PCDHA6: variants seen among roughly 807,000 people sequenced by gnomAD.
PCDHA6 encodes the protein protocadherin alpha-6.
PCDHA6 carries 55 observed loss-of-function variants against 60.3 expected under a neutral mutation model. The observed-to-expected ratio is 0.91, with a 90% CI of 0.73 to 1.14. PCDHA6 has a LOEUF of 1.14. PCDHA6 is among the 50% of genes most tolerant of loss of function. The pLI is 0.00. For synonymous variants in PCDHA6, 652 were observed against 557.9 expected (o/e 1.17, Z -2.38); for missense variants, 1,327 against 1,256.5 (o/e 1.06, Z -0.85).
At chr5:140,941,331 T>G (rs1277354289) in intron 1 of PCDHA6, among the ~76,000 whole-genome samples, 1 of 148,120 alleles carries the variant, frequency 6.8e-6, no homozygotes. Context: ...TTTTTTTTTT[T>G]TTTCAGATGG....
At chr5:140,905,910 A>G (rs2153491860) in intron 1 of PCDHA6, among the ~76,000 whole-genome samples, 1 of 152,334 alleles carries the variant, frequency 6.6e-6, no homozygotes, top group Admixed American at 6.5e-5. Context: ...GGAGCAAGGA[A>G]TCCAATCTGA....
At chr5:140,917,552 C>T (rs200211133) in intron 1 of PCDHA6, among the ~76,000 whole-genome samples, 1 of 152,192 alleles carries the variant, frequency 6.6e-6, no homozygotes, top group Non-Finnish European at 1.5e-5. Flanking sequence ...TTACATTTAA[C>T]TCTTTAATCC....
At chr5:140,860,700 G>C (rs573827394) in intron 1 of PCDHA6, 1 of 152,300 alleles carries the variant, frequency 6.6e-6, no homozygotes, top group South Asian at 2.1e-4. Flanking sequence ...ACAGGATATT[G>C]TTGTTCTCCA....
intron 3 of PCDHA6, among the ~76,000 whole-genome samples, chr5:140,989,839 A>G (rs2097362613): frequency 6.6e-6 from 1 of 152,166 alleles, no homozygotes; most frequent in Admixed American, 6.5e-5. Context: ...CCTGTCAATG[A>G]GTGTGTGGAC....
chr5:140,988,445 A>G (rs1554250148), intron 3 of PCDHA6, among the ~76,000 whole-genome samples: 2 of 152,168 alleles, frequency 1.3e-5, no homozygotes, highest in African/African-American at 2.4e-5. Context: ...ATTGACCTGA[A>G]GGGAGGAAGC....
intron 1 of PCDHA6, chr5:140,836,415 G>T (rs2150260164): frequency 3.1e-6 from 5 of 1,613,812 alleles, no homozygotes; most frequent in Admixed American, 1.7e-5. Context: ...GGCACCAAAG[G>T]CGTCGTCGCG....
At chr5:140,939,672 A>T (rs573857311) in intron 1 of PCDHA6, among the ~76,000 whole-genome samples, 1 of 152,314 alleles carries the variant, frequency 6.6e-6, no homozygotes, top group Non-Finnish European at 1.5e-5. Context: ...ACCAACTTGT[A>T]TGTATGTGTG....
chr5:140,947,539 C>G (rs144026826), intron 1 of PCDHA6, among the ~76,000 whole-genome samples: 3 of 151,678 alleles, frequency 2.0e-5, no homozygotes, highest in Admixed American at 2.0e-4. Context: ...TCAATTTCTA[C>G]AAAGAATTCC....
chr5:140,885,592 G>A (rs1428219345), intron 1 of PCDHA6, among the ~76,000 whole-genome samples: 1 of 152,102 alleles, frequency 6.6e-6, no homozygotes, highest in Non-Finnish European at 1.5e-5. Context: ...ATGCATCAAA[G>A]ATATTAATAA....
At chr5:140,867,151 A>G (rs1437256888) in intron 1 of PCDHA6, 1 of 152,150 alleles carries the variant, frequency 6.6e-6, no homozygotes, top group Non-Finnish European at 1.5e-5. Context: ...ATTTTTCCAG[A>G]GTAAACCTTC....
chr5:140,887,670 C>T (rs368430565), intron 1 of PCDHA6, among the ~76,000 whole-genome samples: 1 of 151,988 alleles, frequency 6.6e-6, no homozygotes, highest in Non-Finnish European at 1.5e-5. Context: ...GTGGATTTAT[C>T]ATTTTCATCA....
intron 1 of PCDHA6, chr5:140,834,581 G>C: frequency 1.2e-6 from 2 of 1,614,124 alleles, no homozygotes; most frequent in East Asian, 4.5e-5. Flanking sequence ...TGTTCCGGGC[G>C]GTGTGCAAAT....
intron 3 of PCDHA6, among the ~76,000 whole-genome samples, chr5:140,993,460 T>TCA (rs1554253699): frequency 1.6e-3 from 169 of 104,560 alleles, no homozygotes; most frequent in African/African-American, 3.8e-3. Flanking sequence ...CTTCTTTCTT[T>TCA]CTCACACACA....
chr5:140,903,491 G>T (rs1253397353), intron 1 of PCDHA6, among the ~76,000 whole-genome samples: 4 of 152,094 alleles, frequency 2.6e-5, no homozygotes, highest in African/African-American at 9.7e-5. Flanking sequence ...GTTCTGAGCA[G>T]GTACCATAGA....
intron 1 of PCDHA6, chr5:140,851,252 G>T: frequency 9.2e-7 from 1 of 1,089,164 alleles, no homozygotes; most frequent in Non-Finnish European, 1.2e-6. Flanking sequence ...ATGATGCATA[G>T]TATTTTAGTC....
chr5:140,851,812 G>A, intron 1 of PCDHA6: 1 of 953,880 alleles, frequency 1.0e-6, no homozygotes, highest in Non-Finnish European at 1.3e-6. Context: ...TAATCCATAA[G>A]ACAGAAATCT....
chr5:140,957,133 A>G (rs1308855631), intron 1 of PCDHA6, among the ~76,000 whole-genome samples: 4 of 152,222 alleles, frequency 2.6e-5, no homozygotes, highest in African/African-American at 9.6e-5. Context: ...TTACTACACT[A>G]TGAACTAAAA....
chr5:140,828,200 G>A lies in PCDHA6; in HGVS notation c.109G>A (p.Glu37Lys), dbSNP rs2150152362. Residue 37 changes from glutamate to lysine, a missense_variant, in exon 1 of 4, where the codon GAG (glutamate) becomes AAG (lysine). Transcript: ENST00000529310. Reference protein sequence around the residue: ...GSGQLHYSVPEEAKHGTFVGR... With the variant: ...GSGQLHYSVPKEAKHGTFVGR... ...CGGCCAGCTCCACTACTCCGTACCCGAGGAGGCCAAACACGGCACCTTCGT... is the reference window on the plus strand; with the variant it reads ...CGGCCAGCTCCACTACTCCGTACCCAAGGAGGCCAAACACGGCACCTTCGT... 2.7e-5 allele frequency: 44 copies of A among 1,614,052 alleles called. No homozygotes were observed. The highest frequency in any genetic ancestry group is 3.6e-5 in the Non-Finnish European group (42 of 1,180,042).
intron 1 of PCDHA6, chr5:140,835,300 G>A (rs2150233515): frequency 6.2e-7 from 1 of 1,612,674 alleles, no homozygotes; most frequent in Non-Finnish European, 8.5e-7. Flanking sequence ...ACAGTGATAG[G>A]ACATATGGAT....
Sources: gnomAD v4.1 joint callset for allele counts (sites outside exome capture counted in the v4.1 genomes callset) on GRCh38, gnomAD v4.1.1 for gene constraint, MANE v1.5 for transcripts, NCBI Gene and HGNC (gene_info 2026-07-23, HGNC 2026-07-21) for gene names.